ARSG: variants seen among roughly 807,000 people sequenced by gnomAD.
ARSG encodes the protein arylsulfatase G.
A neutral mutation model predicts 50.5 loss-of-function variants in ARSG; 37 were observed. The ratio of observed to expected loss-of-function variants is 0.73; its 90% CI spans 0.56 to 0.96. ARSG has a LOEUF of 0.96. ARSG is among the 50% of genes least tolerant of loss of function. ARSG has a pLI of 0.00. For missense variants in ARSG, 629 were observed against 675.3 expected (o/e 0.93, Z 0.76); for synonymous variants, 225 against 254.6 (o/e 0.88, Z 1.11).
At chr17:68,315,081 A>G (rs2077019219) in intron 2 of ARSG, among the ~76,000 whole-genome samples, 1 of 152,204 alleles carries the variant, frequency 6.6e-6, no homozygotes, top group Admixed American at 6.5e-5. Context: ...TATATCTCAG[A>G]TGAGGAAATT....
At chr17:68,341,654 T>C (rs545059701) in intron 2 of ARSG, among the ~76,000 whole-genome samples, 54 of 152,326 alleles carry the variant, frequency 3.5e-4, no homozygotes, top group Non-Finnish European at 7.1e-4. Context: ...CTTAATTACA[T>C]GCCATTGTGC....
At chr17:68,265,753 GT>G (rs56355626) in intron 1 of ARSG, among the ~76,000 whole-genome samples, 32,839 of 134,068 alleles carry the variant, frequency 0.24, 4,397 homozygotes, top group African/African-American at 0.39. Context: ...AGTGTGTGTT[GT>G]TTTTTTTTTT....
At chr17:68,286,946 G>C (rs933024864), upstream of ARSG, among the ~76,000 whole-genome samples, 5 of 152,226 alleles carry the variant, frequency 3.3e-5, no homozygotes, top group African/African-American at 1.2e-4. Flanking sequence ...TCATTGCTTA[G>C]ATCTATTCTA....
chr17:68,366,630 G>C (rs1474035805), intron 6 of ARSG, among the ~76,000 whole-genome samples: 1 of 151,878 alleles, frequency 6.6e-6, no homozygotes, highest in Non-Finnish European at 1.5e-5. Flanking sequence ...CTAGCCTCTA[G>C]CCACCTGCTG....
Position 68,383,016 on chromosome 17 carries a change from T to C in ARSG, c.983-2048T>C, listed in dbSNP as rs2080512264. Among the ~76,000 whole-genome samples, 3 of 152,334 alleles carry C rather than the reference T, an allele frequency of 2.0e-5. No homozygotes were observed. In the East Asian group the frequency reaches 5.8e-4, roughly 29 times the overall value. On this transcript the variant is annotated intron_variant, in intron 8 of 11. Transcript: ENST00000621439. ...ATTCCTGAATCTTTTGCAAGGAGAT[T>C]GTCTGCTTTGTTGACTACACCTGTT...
the ARSG span, chr17:68,428,949 G>A: frequency 6.2e-7 from 1 of 1,604,548 alleles, no homozygotes; most frequent in Non-Finnish European, 8.5e-7. Flanking sequence ...AAGGGCCAAG[G>A]AAAACATAAA....
intron 2 of ARSG, among the ~76,000 whole-genome samples, chr17:68,322,930 C>T (rs11657532): frequency 0.51 from 77,258 of 151,934 alleles, 20,103 homozygotes; most frequent in Middle Eastern, 0.56. Context: ...GGCTTGCAGA[C>T]GGCCCCCTTC....
chr17:68,395,256 C>A, intron 10 of ARSG, 63 bp downstream of exon 10: 1 of 1,597,350 alleles, frequency 6.3e-7, no homozygotes, highest in Non-Finnish European at 8.5e-7. Context: ...CTGCCTCTCA[C>A]CTCTGTGCAG....
At chr17:68,431,220 G>A in the ARSG span, among the ~76,000 whole-genome samples, 2 of 152,214 alleles carry the variant, frequency 1.3e-5, no homozygotes, top group African/African-American at 4.8e-5. Flanking sequence ...GGTCCAGGCA[G>A]GAGCTAGTCC....
chr17:68,442,704 T>TA, the ARSG span, among the ~76,000 whole-genome samples: 1 of 152,180 alleles, frequency 6.6e-6, no homozygotes, highest in African/African-American at 2.4e-5. Flanking sequence ...CCTCAAGCTC[T>TA]ATGCAGATTC....
chr17:68,428,063 T>C, the ARSG span, among the ~76,000 whole-genome samples: 2 of 151,494 alleles, frequency 1.3e-5, no homozygotes, highest in Non-Finnish European at 2.9e-5. Context: ...GGCTAATTTT[T>C]ATATTTTTTC....
At chr17:68,283,390 G>A (rs1430909616) in intron 1 of ARSG, among the ~76,000 whole-genome samples, 5 of 152,118 alleles carry the variant, frequency 3.3e-5, no homozygotes, top group African/African-American at 1.2e-4. Flanking sequence ...GCGTGGTGGC[G>A]GGCGCCTGTA....
the ARSG span, among the ~76,000 whole-genome samples, chr17:68,444,955 C>T: frequency 1.7e-5 from 2 of 118,278 alleles, no homozygotes; most frequent in African/African-American, 3.3e-5. Context: ...GAGTCTCACT[C>T]TGTCACCCAG....
chr17:68,309,121 A>C (rs556461574), intron 2 of ARSG, among the ~76,000 whole-genome samples: 1 of 152,092 alleles, frequency 6.6e-6, no homozygotes, highest in African/African-American at 2.4e-5. Flanking sequence ...CTGCTGAGGG[A>C]CCTAGTACAC....
At chr17:68,344,886 A>G (rs1302380849) in intron 3 of ARSG, among the ~76,000 whole-genome samples, 1 of 152,248 alleles carries the variant, frequency 6.6e-6, no homozygotes, top group Non-Finnish European at 1.5e-5. Context: ...TGTTCTACCC[A>G]GACCCAGGGC....
chr17:68,317,827 A>G (rs1279683776), intron 2 of ARSG, among the ~76,000 whole-genome samples: 2 of 152,224 alleles, frequency 1.3e-5, no homozygotes, highest in Admixed American at 6.5e-5. Context: ...GGCCAGGCGC[A>G]GCAGCTCATG....
chr17:68,363,689 A>T (rs2079405569), intron 6 of ARSG, among the ~76,000 whole-genome samples: 1 of 151,446 alleles, frequency 6.6e-6, no homozygotes, highest in African/African-American at 2.4e-5. Flanking sequence ...CTGGTCTCGA[A>T]CTCCTGACCT....
chr17:68,270,386 T>C (rs1326253535), intron 1 of ARSG, among the ~76,000 whole-genome samples: 2 of 152,016 alleles, frequency 1.3e-5, no homozygotes, highest in Non-Finnish European at 2.9e-5. Context: ...AAACCCCATC[T>C]CTACTAAAAA....
chr17:68,437,948 TAAAAA>T, the ARSG span, among the ~76,000 whole-genome samples: 57 of 78,800 alleles, frequency 7.2e-4, no homozygotes, highest in South Asian at 2.2e-3. Context: ...ACATCTCTCT[TAAAAA>T]AAAAAAAAAA....
Sources: gnomAD v4.1 joint callset for allele counts (sites outside exome capture counted in the v4.1 genomes callset) on GRCh38, gnomAD v4.1.1 for gene constraint, MANE v1.5 for transcripts, NCBI Gene and HGNC (gene_info 2026-07-23, HGNC 2026-07-21) for gene names.